Variants in CEP128 observed in about 807,000 individuals in gnomAD.
CEP128 encodes the protein centrosomal protein 128, also known as centrosomal protein 128kDa.
Under a neutral mutation model 156.7 loss-of-function variants are expected in CEP128, and 132 were observed. That is an observed-to-expected ratio of 0.84 (90% CI 0.73 to 0.97). CEP128 has a LOEUF of 0.97. Among genes scored for constraint, CEP128 ranks in the 50% least tolerant of loss-of-function variants. The pLI is 0.00. For missense variants in CEP128, 1,252 were observed against 1,281.9 expected (o/e 0.98, Z 0.36); for synonymous variants, 469 against 448.9 (o/e 1.04, Z -0.57).
At chr14:80,791,946 T>C (rs1050310207) in intron 14 of CEP128, among the ~76,000 whole-genome samples, 6 of 152,226 alleles carry the variant, frequency 3.9e-5, no homozygotes, top group Non-Finnish European at 7.3e-5. Flanking sequence ...TCTTTTGGAA[T>C]GTACAGAGTT....
At chr14:80,603,014 C>G (rs1892640870) in intron 19 of CEP128, among the ~76,000 whole-genome samples, 1 of 152,124 alleles carries the variant, frequency 6.6e-6, no homozygotes, top group African/African-American at 2.4e-5. Context: ...GTATGGGATA[C>G]AGTGTGCTTA....
intron 4 of CEP128, among the ~76,000 whole-genome samples, chr14:80,913,481 G>A (rs1431116738): frequency 3.3e-5 from 5 of 152,176 alleles, no homozygotes. Flanking sequence ...TTGGAAACAA[G>A]CTCTCAAAAT....
intron 18 of CEP128, among the ~76,000 whole-genome samples, chr14:80,750,242 T>C (rs1899319578): frequency 6.6e-6 from 1 of 152,158 alleles, no homozygotes; most frequent in African/African-American, 2.4e-5. Context: ...GGTGCAAGCA[T>C]AATAATAAAA....
chr14:80,652,141 C>T (rs758214216), intron 19 of CEP128, among the ~76,000 whole-genome samples: 18 of 151,220 alleles, frequency 1.2e-4, no homozygotes, highest in Admixed American at 5.3e-4. Context: ...GCTAGCCATA[C>T]GCAGAAAACT....
chr14:80,909,680 A>G (rs1884094632), intron 4 of CEP128, among the ~76,000 whole-genome samples: 2 of 152,218 alleles, frequency 1.3e-5, no homozygotes, highest in South Asian at 4.1e-4. Context: ...CACCTAAAAC[A>G]TAAAACTAAA....
intron 8 of CEP128, among the ~76,000 whole-genome samples, chr14:80,889,390 A>T (rs988686810): frequency 1.3e-5 from 2 of 152,228 alleles, no homozygotes; most frequent in Non-Finnish European, 2.9e-5. Context: ...CTACAAGGCT[A>T]CAGTAACCAA....
intron 13 of CEP128, among the ~76,000 whole-genome samples, chr14:80,809,926 A>C (rs370250219): frequency 6.6e-6 from 1 of 152,140 alleles, no homozygotes. Context: ...CTGAAAAAGC[A>C]AACATAAAAA....
chr14:80,796,716 A>G (rs1883506408), intron 13 of CEP128, among the ~76,000 whole-genome samples: 1 of 152,186 alleles, frequency 6.6e-6, no homozygotes, highest in South Asian at 2.1e-4. Flanking sequence ...GTAGATGAGT[A>G]TTTAGGTAGA....
intron 19 of CEP128, among the ~76,000 whole-genome samples, chr14:80,654,657 A>C (rs1372736837): frequency 6.6e-6 from 1 of 151,966 alleles, no homozygotes; most frequent in Non-Finnish European, 1.5e-5. Flanking sequence ...CTTTTTTCTT[A>C]ATCTTCATCT....
intron 19 of CEP128, among the ~76,000 whole-genome samples, chr14:80,736,027 C>T (rs1314593471): frequency 1.3e-5 from 2 of 152,092 alleles, no homozygotes; most frequent in Non-Finnish European, 2.9e-5. Context: ...ACAGATTCAA[C>T]CCAGTATCCA....
Position 80,497,402 on chromosome 14 carries a change from G to A in CEP128, c.*77C>T, listed in dbSNP as rs1438507488. On this transcript the variant is annotated 3_prime_UTR_variant, in exon 25 of 25. Coordinates refer to ENST00000555265, the MANE Select transcript of CEP128 (RefSeq NM_152446.5). Reference sequence around the variant, plus strand: ...TGCAGGTATGTCTGTTAGATAATCTGGGCCAAATTGCTGTAAGAATAGAGA... The same window carrying A: ...TGCAGGTATGTCTGTTAGATAATCTAGGCCAAATTGCTGTAAGAATAGAGA... The A allele has an allele frequency of 5.1e-6, 5 of 974,750 alleles. No homozygotes were observed. The highest frequency in any genetic ancestry group is 2.2e-5 in the Admixed American group (1 of 45,548). 60.4% of individuals were successfully genotyped at this position (974,750 alleles called of 1,614,324 possible). A position where few individuals can be genotyped will look rare whatever the true frequency, so the allele number is the denominator to read the frequency against.
At chr14:80,509,690 T>C (rs1358729551) in intron 23 of CEP128, among the ~76,000 whole-genome samples, 1 of 152,194 alleles carries the variant, frequency 6.6e-6, no homozygotes, top group Admixed American at 6.5e-5. Context: ...TCTGGGGTAT[T>C]CCTCAAAGTC....
chr14:80,794,662 A>T (rs1316872731), intron 13 of CEP128, among the ~76,000 whole-genome samples: 1 of 152,184 alleles, frequency 6.6e-6, no homozygotes, highest in Non-Finnish European at 1.5e-5. Flanking sequence ...CTTCCTGTTC[A>T]TCAAGCATAT....
At chr14:80,692,143 C>A (rs1896740390) in intron 19 of CEP128, among the ~76,000 whole-genome samples, 1 of 152,256 alleles carries the variant, frequency 6.6e-6, no homozygotes. Context: ...CAGGAAAGGT[C>A]AGCATCCAAA....
chr14:80,491,096 A>AT (rs1887308088), intron 6 of CEP128, among the ~76,000 whole-genome samples: 1 of 152,236 alleles, frequency 6.6e-6, no homozygotes, highest in South Asian at 2.1e-4. Flanking sequence ...TCACAAAACT[A>AT]TGATTTACCC....
intron 13 of CEP128, among the ~76,000 whole-genome samples, chr14:80,800,444 G>A (rs993937708): frequency 6.6e-6 from 1 of 152,176 alleles, no homozygotes; most frequent in East Asian, 1.9e-4. Flanking sequence ...TTGAGGCACA[G>A]GAAGAGTGAT....
chr14:80,565,793 C>G (rs1022140208), intron 20 of CEP128, among the ~76,000 whole-genome samples: 3 of 152,144 alleles, frequency 2.0e-5, no homozygotes, highest in Admixed American at 1.3e-4. Context: ...CACATCGATT[C>G]ATCCATCACA....
intron 20 of CEP128, among the ~76,000 whole-genome samples, chr14:80,575,097 T>C (rs1163317642): frequency 6.7e-6 from 1 of 149,052 alleles, no homozygotes; most frequent in African/African-American, 2.4e-5. Flanking sequence ...TATAGATTTA[T>C]ATAATACAAT....
At chr14:80,678,353 T>G (rs1395124826) in intron 19 of CEP128, among the ~76,000 whole-genome samples, 1 of 151,530 alleles carries the variant, frequency 6.6e-6, no homozygotes, top group Non-Finnish European at 1.5e-5. Context: ...ATCTAAAATG[T>G]TCTCACTCCA....
Sources: allele counts gnomAD v4.1 joint callset (sites outside exome capture counted in the v4.1 genomes callset), GRCh38; gene constraint gnomAD v4.1.1; transcripts MANE v1.5; gene names NCBI Gene and HGNC (gene_info 2026-07-23, HGNC 2026-07-21).